Variants in POU2F2 observed in about 807,000 individuals in gnomAD.
The protein encoded by POU2F2 is POU class 2 homeobox 2, also known as POU domain, class 2, transcription factor 2.
In POU2F2, 14 loss-of-function variants were observed where a neutral mutation model predicts 63.5. That is an observed-to-expected ratio of 0.22 (90% CI 0.15 to 0.34). POU2F2 has a LOEUF of 0.34. Ranked by LOEUF, POU2F2 falls within the 10% of genes least tolerant of loss-of-function variation. The pLI is 1.00. For missense variants in POU2F2, 607 were observed against 815.2 expected, an observed-to-expected ratio of 0.74 and a Z score of 3.11; for synonymous variants, 306 against 348.6, an observed-to-expected ratio of 0.88 and a Z score of 1.36.
At chr19:42,158,922 C>T (rs1376873711) in intron 2 of POU2F2, among the ~76,000 whole-genome samples, 1 of 152,120 alleles carries the variant, frequency 6.6e-6, no homozygotes, top group Non-Finnish European at 1.5e-5. Context: ...AACTTCGGTT[C>T]CCTGGAGAAA....
chr19:42,107,050 A>T (rs115319944), intron 5 of POU2F2, among the ~76,000 whole-genome samples: 3,236 of 152,072 alleles, frequency 0.021, 105 homozygotes, highest in African/African-American at 0.073. Context: ...AAAATAAAAT[A>T]AATTAATTAA....
chr19:42,150,384 G>T (rs1283808577), intron 2 of POU2F2, among the ~76,000 whole-genome samples: 2 of 149,568 alleles, frequency 1.3e-5, no homozygotes, highest in Non-Finnish European at 3.0e-5. Flanking sequence ...GATGGACGAT[G>T]CTGATCCTGC....
chr19:42,152,267 A>T lies in POU2F2; in HGVS notation c.-9+8065T>A, dbSNP rs1024784058. Among the ~76,000 whole-genome samples, 2 of 151,578 alleles carry T rather than the reference A, an allele frequency of 1.3e-5. No individual in the cohort carries two copies. Among genetic ancestry groups the T allele is most frequent in the African/African-American group, 4.9e-5 (2 of 41,226 alleles). On this transcript the variant is annotated intron_variant, in intron 2 of 6. Transcript: ENST00000524801. The surrounding 1 kb of genome is among the most constrained non-coding windows in gnomAD (Gnocchi z 4.1). ...AAATTCTCCTATGAAGGCTGAGGTGACTCTCGGGGAGAGGGCCGCAGCGAA... is the reference window on the plus strand; with the variant it reads ...AAATTCTCCTATGAAGGCTGAGGTGTCTCTCGGGGAGAGGGCCGCAGCGAA...
At chr19:42,188,172 C>T (rs1255992557) in intron 1 of POU2F2, among the ~76,000 whole-genome samples, 3 of 151,838 alleles carry the variant, frequency 2.0e-5, no homozygotes, top group African/African-American at 7.3e-5. Flanking sequence ...CGAGACCAGC[C>T]TGGGCAACAT....
chr19:42,173,299 T>G (rs977157739), intron 1 of POU2F2, among the ~76,000 whole-genome samples: 1 of 152,128 alleles, frequency 6.6e-6, no homozygotes, highest in Non-Finnish European at 1.5e-5. Flanking sequence ...AACTTCTCCC[T>G]TGCCATCATC....
chr19:42,106,812 G>GAGGAGGAGAAGGAGA (rs2030130789), intron 5 of POU2F2, among the ~76,000 whole-genome samples: 2 of 150,270 alleles, frequency 1.3e-5, no homozygotes, highest in African/African-American at 4.9e-5. Context: ...GGAAGAGGAG[G>GAGGAGGAGAAGGAGA]AGGAGGAGAA....
chr19:42,182,649 A>G (rs1405006177), intron 1 of POU2F2, among the ~76,000 whole-genome samples: 1 of 152,154 alleles, frequency 6.6e-6, no homozygotes, highest in Non-Finnish European at 1.5e-5. Flanking sequence ...AGAGAAAGGA[A>G]GAGGAATCAC....
rs2032734946 is a variant in POU2F2 at position 42,122,353 on chromosome 19, A to T, written c.120T>A (p.Thr40=). ...HTDTERNGPD[T]NHQNPQNKTS... ...TCCACTCCCTCCTAACCTGATGATT[A>T]GTGTCTGGTCCATTTCTTTCGGTGT... Residue 40 remains threonine, a synonymous_variant, in exon 3 of 15, where the codon ACT becomes ACA. Transcript: ENST00000692977. The T allele has an allele frequency of 6.3e-7, 1 of 1,592,676 alleles. No homozygotes were observed. Among genetic ancestry groups the T allele is most frequent in the African/African-American group, 1.5e-5 (1 of 68,748 alleles).
intron 5 of POU2F2, among the ~76,000 whole-genome samples, chr19:42,107,431 G>A (rs2030288967): frequency 6.6e-6 from 1 of 152,012 alleles, no homozygotes; most frequent in Non-Finnish European, 1.5e-5. Context: ...ATCATTTATG[G>A]GTTTCTTTAT....
At chr19:42,124,303 C>CAAAAAAA in intron 1 of POU2F2, among the ~76,000 whole-genome samples, 1 of 44,268 alleles carries the variant, frequency 2.3e-5, no homozygotes, top group Non-Finnish European at 4.6e-5. Flanking sequence ...GACCCTGTCT[C>CAAAAAAA]AAAAAAAAAA....
chr19:42,131,757 A>G (rs1441407735), intron 1 of POU2F2, among the ~76,000 whole-genome samples: 1 of 152,162 alleles, frequency 6.6e-6, no homozygotes, highest in Non-Finnish European at 1.5e-5. Context: ...GAGGGGACTG[A>G]GAGTGACAGG....
chr19:42,150,197 A>G (rs1599670194), intron 2 of POU2F2, among the ~76,000 whole-genome samples: 1 of 151,350 alleles, frequency 6.6e-6, no homozygotes, highest in Admixed American at 6.6e-5. Context: ...CCTCCTACCC[A>G]TCCCTGTGCC....
At chr19:42,122,676 T>C (rs775192904) in intron 1 of POU2F2, 100 bp from the exon 2 acceptor site, 15 of 1,119,792 alleles carry the variant, frequency 1.3e-5, no homozygotes, top group African/African-American at 8.0e-5. Context: ...TCCCCCAAAT[T>C]CCCCCCTTAC....
At chr19:42,101,023 C>T (rs1207060659) in intron 5 of POU2F2, among the ~76,000 whole-genome samples, 1 of 151,870 alleles carries the variant, frequency 6.6e-6, no homozygotes, top group Admixed American at 6.6e-5. Flanking sequence ...CGCTTGAACC[C>T]GGAGGCGGAG....
intron 5 of POU2F2, among the ~76,000 whole-genome samples, chr19:42,107,273 T>C (rs939614333): frequency 1.3e-5 from 2 of 152,080 alleles, no homozygotes; most frequent in Non-Finnish European, 2.9e-5. Flanking sequence ...GAGAATCACT[T>C]GAACCCAGGA....
chr19:42,091,364 A>G lies in POU2F2; in HGVS notation c.1768T>C (p.Ser590Pro), dbSNP rs2076706182. ...GAGGATGAGGATGAAGAGGATGAGG[A>G]GGAGAGGCCAGGAGACTTGCTGGAG... Reference protein sequence around the residue: ...SISSKSPGLSSSSSSSSSSSS... With the variant: ...SISSKSPGLSPSSSSSSSSSS... Residue 590 changes from serine (S) to proline (P), a missense_variant, in exon 15 of 15, where the codon TCC becomes CCC. By Grantham distance (74) the Ser-to-Pro change is moderately conservative (BLOSUM62 -1). Around this residue, in one of 7 missense-constraint regions of POU2F2, gnomAD observed 270 missense variants for 307.5 expected, o/e 0.88. Transcript: ENST00000692977. The G allele has an allele frequency of 6.5e-7, 1 of 1,538,962 alleles. No homozygotes were observed. Among genetic ancestry groups the G allele is most frequent in the African/African-American group, 1.4e-5 (1 of 73,074 alleles).
chr19:42,184,533 ATGAC>A (rs1348852091), intron 1 of POU2F2, among the ~76,000 whole-genome samples: 2 of 152,030 alleles, frequency 1.3e-5, no homozygotes, highest in Admixed American at 1.3e-4. Context: ...GAAGTGATGC[ATGAC>A]TAAGGACGAA....
chr19:42,153,680 T>TA lies in POU2F2; in HGVS notation c.-9+6651_-9+6652insT, dbSNP rs2034399789. ...CTCTGTGTGTCTATGTGATGCTGTG[T>TA]GTCCCTGTGTGCCGATGGTCGAGTG... is the stretch of plus-strand genomic sequence containing the variant. On this transcript the variant is annotated intron_variant, in intron 2 of 6. Transcript: ENST00000524801. The surrounding 1 kb of genome is among the most constrained non-coding windows in gnomAD (Gnocchi z 5.6). Among the ~76,000 whole-genome samples the TA allele has an allele frequency of 6.6e-6, 1 of 152,152 alleles. No individual in the cohort carries two copies. Among genetic ancestry groups the TA allele is most frequent in the Non-Finnish European group, 1.5e-5 (1 of 68,022 alleles).
At chr19:42,110,833 A>T in intron 5 of POU2F2, 1 of 440,594 alleles carries the variant, frequency 2.3e-6, no homozygotes, top group Non-Finnish European at 4.6e-6. Flanking sequence ...GTCCTTCATA[A>T]ATGGCAGTCA....
Sources: allele counts gnomAD v4.1 joint callset (sites outside exome capture counted in the v4.1 genomes callset), GRCh38; gene constraint gnomAD v4.1.1; regional missense constraint gnomAD v4.1.1; non-coding constraint Gnocchi (gnomAD v3.1); transcripts MANE v1.5; gene names NCBI Gene and HGNC (gene_info 2026-07-23, HGNC 2026-07-21).